LMTK2: variants seen among roughly 807,000 people sequenced by gnomAD.
LMTK2 encodes the protein lemur tail kinase 2, also known as serine/threonine-protein kinase LMTK2.
In LMTK2, 37 loss-of-function variants were observed where a neutral mutation model predicts 127.5. The ratio of observed to expected loss-of-function variants is 0.29; its 90% CI spans 0.22 to 0.38. LMTK2 has a LOEUF of 0.38. LMTK2 is among the 10% of genes least tolerant of loss of function. LMTK2 has a pLI of 1.00. For missense variants in LMTK2, 1,694 were observed against 1,920.3 expected (o/e 0.88, Z 2.20); for synonymous variants, 819 against 810.1 (o/e 1.01, Z -0.19).
chr7:98,205,939 T>C lies in LMTK2; in HGVS notation c.*447T>C, dbSNP rs1475058239. 6.0e-6 allele frequency: 1 copy of C among 165,670 alleles called. No individual in the cohort carries two copies. The highest frequency in any genetic ancestry group is 2.4e-5 in the African/African-American group (1 of 41,868). The allele number at this position is 165,670 out of a possible 1,614,324, so 10.3% of individuals were successfully genotyped here. ...GGTCACCAGTGAGCCATATTTATTA[T>C]TTCTAGAGAAATCACGAACTGCTTT... is the stretch of plus-strand genomic sequence containing the variant. On this transcript the variant is annotated 3_prime_UTR_variant, in exon 14 of 14. Transcript: ENST00000297293.
chr7:98,179,914 A>T (rs1443984085), intron 7 of LMTK2, among the ~76,000 whole-genome samples: 1 of 152,202 alleles, frequency 6.6e-6, no homozygotes, highest in Admixed American at 6.5e-5. Flanking sequence ...CATCGTTGAG[A>T]GTTATTGACG....
rs574342504 is a variant in LMTK2, at chr7:98,162,089, G to A, written c.657+2664G>A. Among the ~76,000 whole-genome samples the A allele has an allele frequency of 9.9e-5, 15 of 152,276 alleles. No individual in the cohort carries two copies. The South Asian group carries it at 2.9e-3, about 29-fold the overall frequency. On this transcript the variant is annotated intron_variant, in intron 6 of 13. Coordinates refer to ENST00000297293, the MANE Select transcript of LMTK2 (RefSeq NM_014916.4). ...ACAATGTTAGTTTTTTCATACAATG[G>A]TCAAAGACCTTGTCCACTCCGCTTC...
chr7:98,140,517 T>A (rs900407243), intron 2 of LMTK2, among the ~76,000 whole-genome samples: 3 of 152,162 alleles, frequency 2.0e-5, no homozygotes, highest in Non-Finnish European at 4.4e-5. Context: ...ATTACACTTA[T>A]GCGTCACATG....
intron 1 of LMTK2, among the ~76,000 whole-genome samples, chr7:98,108,608 G>A (rs1241135296): frequency 6.6e-6 from 1 of 152,190 alleles, no homozygotes; most frequent in Non-Finnish European, 1.5e-5. Flanking sequence ...AATGTTATCA[G>A]ATGTGTATAG....
rs1233699973 is a variant in LMTK2 at position 98,206,869 on chromosome 7, T to G, written c.*1377T>G. The G allele has an allele frequency of 2.6e-5, 4 of 152,224 alleles. No homozygotes were observed. The highest frequency in any genetic ancestry group is 5.9e-5 in the Non-Finnish European group (4 of 68,110). 9.4% of individuals were successfully genotyped at this position (152,224 alleles called of 1,614,324 possible). A position where few individuals can be genotyped will look rare whatever the true frequency, so the allele number is the denominator to read the frequency against. ...AGGGACGACGGCCGACGGCAGAGCA[T>G]CAGCAGCCGACACATAGTTCGGGTC... On this transcript the variant is annotated 3_prime_UTR_variant, in exon 14 of 14. Transcript: ENST00000297293.
intron 7 of LMTK2, among the ~76,000 whole-genome samples, chr7:98,172,023 C>T (rs145385624): frequency 4.6e-5 from 7 of 152,316 alleles, no homozygotes; most frequent in East Asian, 1.9e-4. Flanking sequence ...TGGTGCCACC[C>T]GCCCGGTTTC....
chr7:98,139,523 A>G (rs1796646960), intron 2 of LMTK2, among the ~76,000 whole-genome samples: 1 of 152,186 alleles, frequency 6.6e-6, no homozygotes, highest in Admixed American at 6.5e-5. Flanking sequence ...GCATTATTTT[A>G]AGGTAGGAGT....
intron 13 of LMTK2, 62 bp downstream of exon 13, chr7:98,204,248 G>A (rs1280072489): frequency 1.3e-6 from 2 of 1,572,600 alleles, no homozygotes; most frequent in African/African-American, 1.3e-5. Context: ...GCTGCAGCTG[G>A]GAGATGGTGG....
intron 6 of LMTK2, among the ~76,000 whole-genome samples, chr7:98,161,243 T>G (rs923762491): frequency 6.6e-6 from 1 of 152,200 alleles, no homozygotes; most frequent in Non-Finnish European, 1.5e-5. Context: ...GTTTCTTAAT[T>G]TTTTGTGTGG....
chr7:98,186,066 T>C (rs532453312), intron 8 of LMTK2, among the ~76,000 whole-genome samples: 238 of 152,088 alleles, frequency 1.6e-3, no homozygotes, highest in Admixed American at 4.0e-3. Flanking sequence ...CATCTCTTTT[T>C]TTTTTTTTTC....
intron 1 of LMTK2, among the ~76,000 whole-genome samples, chr7:98,116,335 T>G (rs1468229378): frequency 2.0e-5 from 3 of 152,088 alleles, no homozygotes; most frequent in Non-Finnish European, 4.4e-5. Flanking sequence ...TAACTGAGGA[T>G]GATGAAGATG....
intron 5 of LMTK2, among the ~76,000 whole-genome samples, chr7:98,158,273 TTTG>T (rs1255489617): frequency 6.6e-6 from 1 of 152,166 alleles, no homozygotes; most frequent in East Asian, 1.9e-4. Context: ...TTGAATTTGT[TTTG>T]TTGTTGTCGT....
chr7:98,157,686 T>G (rs1297652042), intron 5 of LMTK2, among the ~76,000 whole-genome samples: 1 of 151,448 alleles, frequency 6.6e-6, no homozygotes, highest in Non-Finnish European at 1.5e-5. Context: ...ATGGAACACC[T>G]TGGATGACCT....
chr7:98,107,666 C>T (rs1045354007), intron 1 of LMTK2, among the ~76,000 whole-genome samples: 11 of 152,192 alleles, frequency 7.2e-5, no homozygotes, highest in Non-Finnish European at 1.3e-4. Flanking sequence ...GTTTCTTAGC[C>T]CTAATCATAC....
At chr7:98,158,746 A>G (rs1231445141) in intron 5 of LMTK2, among the ~76,000 whole-genome samples, 1 of 152,202 alleles carries the variant, frequency 6.6e-6, no homozygotes, top group African/African-American at 2.4e-5. Context: ...ACACCATTTT[A>G]TGTAAGAGAC....
chr7:98,130,399 G>T (rs889611928), intron 1 of LMTK2, among the ~76,000 whole-genome samples: 1 of 152,198 alleles, frequency 6.6e-6, no homozygotes, highest in Non-Finnish European at 1.5e-5. Context: ...TTCTGTCCTT[G>T]CAGGTAGCTG....
At chr7:98,201,418 C>T (rs1167713572) in intron 11 of LMTK2, among the ~76,000 whole-genome samples, 1 of 152,196 alleles carries the variant, frequency 6.6e-6, no homozygotes, top group Non-Finnish European at 1.5e-5. Context: ...CCAGTGAACA[C>T]TTTGGGCGTC....
At chr7:98,107,737 T>G (rs760462998) in intron 1 of LMTK2, among the ~76,000 whole-genome samples, 8 of 152,236 alleles carry the variant, frequency 5.3e-5, no homozygotes, top group Non-Finnish European at 7.3e-5. Context: ...CAACTTATTC[T>G]GAAGTTGTAA....
intron 1 of LMTK2, among the ~76,000 whole-genome samples, chr7:98,122,021 G>A (rs1467139297): frequency 1.3e-5 from 2 of 151,990 alleles, no homozygotes; most frequent in Admixed American, 1.3e-4. Context: ...AAAAAAAATT[G>A]TAAAAACAAC....
Sources: gnomAD v4.1 joint callset for allele counts (sites outside exome capture counted in the v4.1 genomes callset) on GRCh38, gnomAD v4.1.1 for gene constraint, MANE v1.5 for transcripts, NCBI Gene and HGNC (gene_info 2026-07-23, HGNC 2026-07-21) for gene names.